FOXP1: variants seen among roughly 807,000 people sequenced by gnomAD.
FOXP1 encodes forkhead box protein P1.
In FOXP1, 15 loss-of-function variants were observed where a neutral mutation model predicts 98.2. The ratio of observed to expected loss-of-function variants is 0.15; its 90% CI spans 0.10 to 0.24. The LOEUF (loss-of-function observed/expected upper bound fraction) is 0.24. FOXP1 is among the 10% of genes least tolerant of loss of function. FOXP1 has a pLI of 1.00. For missense variants in FOXP1, 633 were observed against 848.5 expected, an observed-to-expected ratio of 0.75 and a Z score of 3.15; for synonymous variants, 371 against 314.5, an observed-to-expected ratio of 1.18 and a Z score of -1.90.
chr3:71,449,652 G>A (rs1454659668), intron 3 of FOXP1, among the ~76,000 whole-genome samples: 4 of 152,086 alleles, frequency 2.6e-5, no homozygotes, highest in African/African-American at 9.7e-5. Context: ...TCTACAAGCA[G>A]CAGAAAATCC....
intron 5 of FOXP1, among the ~76,000 whole-genome samples, chr3:71,251,374 G>T (rs1029332424): frequency 1.3e-5 from 2 of 152,194 alleles, no homozygotes; most frequent in African/African-American, 2.4e-5. Context: ...ACACAATTCA[G>T]GTGAAGCTTT....
intron 3 of FOXP1, among the ~76,000 whole-genome samples, chr3:71,446,877 T>C (rs2086496124): frequency 6.6e-6 from 1 of 152,250 alleles, no homozygotes; most frequent in Non-Finnish European, 1.5e-5. Context: ...TACCAGTACA[T>C]CTATTTCAGG....
At chr3:71,089,293 A>G (rs1379078666) in intron 7 of FOXP1, among the ~76,000 whole-genome samples, 1 of 152,184 alleles carries the variant, frequency 6.6e-6, no homozygotes, top group Non-Finnish European at 1.5e-5. Flanking sequence ...CACTGAAGTC[A>G]CACTATGGAG....
intron 10 of FOXP1, among the ~76,000 whole-genome samples, chr3:71,045,673 G>A (rs1326581385): frequency 6.6e-6 from 1 of 152,136 alleles, no homozygotes; most frequent in Non-Finnish European, 1.5e-5. Flanking sequence ...GGGCAAGAGA[G>A]AAGTTAAGAG....
chr3:70,963,832 C>T (rs572718567), intron 20 of FOXP1, among the ~76,000 whole-genome samples: 73 of 152,204 alleles, frequency 4.8e-4, no homozygotes, highest in Admixed American at 9.8e-4. Flanking sequence ...AAAGGACGAA[C>T]GAAACGTAGT....
chr3:71,262,374 C>T (rs2069245414), intron 5 of FOXP1, among the ~76,000 whole-genome samples: 1 of 149,654 alleles, frequency 6.7e-6, no homozygotes, highest in Non-Finnish European at 1.5e-5. Context: ...CAGCCTGCAC[C>T]ATGACTATCA....
intron 6 of FOXP1, among the ~76,000 whole-genome samples, chr3:71,163,312 T>G (rs2061235164): frequency 6.6e-6 from 1 of 152,242 alleles, no homozygotes; most frequent in African/African-American, 2.4e-5. Flanking sequence ...AAAAATTTTA[T>G]GAGTTCACTT....
At chr3:71,503,392 G>A (rs976797813) in intron 2 of FOXP1, among the ~76,000 whole-genome samples, 6 of 151,996 alleles carry the variant, frequency 3.9e-5, no homozygotes, top group African/African-American at 1.2e-4. Flanking sequence ...CTCAAGTTAA[G>A]TTAAAAAGCA....
At chr3:71,111,670 A>T (rs1045320353) in intron 7 of FOXP1, among the ~76,000 whole-genome samples, 1 of 152,168 alleles carries the variant, frequency 6.6e-6, no homozygotes, top group Non-Finnish European at 1.5e-5. Flanking sequence ...AAGTGCTGGG[A>T]TTACAGGCGT....
chr3:71,463,492 C>T (rs907373349), intron 3 of FOXP1, among the ~76,000 whole-genome samples: 8 of 152,058 alleles, frequency 5.3e-5, no homozygotes, highest in Non-Finnish European at 1.0e-4. Context: ...GGAAGACATC[C>T]CACACTAAGG....
intron 5 of FOXP1, among the ~76,000 whole-genome samples, 188 bp from the exon 6 acceptor site, chr3:71,198,580 A>T (rs1482403369): frequency 6.6e-6 from 1 of 152,248 alleles, no homozygotes; most frequent in Non-Finnish European, 1.5e-5. Flanking sequence ...TTCGGGTCTG[A>T]AACTGTCATT....
intron 3 of FOXP1, among the ~76,000 whole-genome samples, chr3:71,405,564 A>C (rs1205212536): frequency 6.6e-6 from 1 of 152,102 alleles, no homozygotes; most frequent in Non-Finnish European, 1.5e-5. Flanking sequence ...GAGGCCAGGT[A>C]GATCTGATTC....
chr3:71,013,359 G>A (rs1019799968), intron 12 of FOXP1, among the ~76,000 whole-genome samples: 1 of 152,148 alleles, frequency 6.6e-6, no homozygotes, highest in African/African-American at 2.4e-5. Flanking sequence ...CAATTGGCCA[G>A]TAATTGTCAC....
chr3:70,967,710 G>GTTTTTTTTTTTTT (rs756777959), intron 19 of FOXP1, among the ~76,000 whole-genome samples: 7 of 68,872 alleles, frequency 1.0e-4, no homozygotes, highest in Non-Finnish European at 1.3e-4. Flanking sequence ...GTTTTTTTTT[G>GTTTTTTTTTTTTT]TTTTTTTTTT....
chr3:71,201,153 A>G (rs918477494), intron 5 of FOXP1, among the ~76,000 whole-genome samples: 6 of 152,214 alleles, frequency 3.9e-5, no homozygotes, highest in African/African-American at 1.4e-4. Context: ...TTGCAGTTAT[A>G]TTCTTACTGT....
chr3:71,389,576 C>T (rs1373040490), intron 3 of FOXP1, among the ~76,000 whole-genome samples: 2 of 152,040 alleles, frequency 1.3e-5, no homozygotes, highest in Non-Finnish European at 2.9e-5. Context: ...AAAGAAAACA[C>T]GAAGAGCTTT....
intron 4 of FOXP1, among the ~76,000 whole-genome samples, chr3:71,341,024 G>C (rs1268538124): frequency 6.6e-6 from 1 of 152,130 alleles, no homozygotes; most frequent in Non-Finnish European, 1.5e-5. Flanking sequence ...AATAGCTGGA[G>C]ACTTCAATAC....
chr3:71,041,899 CAACT>C (rs2106880792), intron 10 of FOXP1, among the ~76,000 whole-genome samples: 1 of 152,220 alleles, frequency 6.6e-6, no homozygotes, highest in African/African-American at 2.4e-5. Flanking sequence ...TAAATTTGTT[CAACT>C]ATACTATTAT....
chr3:70,970,486 A>G (rs1339503486), intron 19 of FOXP1: 1 of 501,926 alleles, frequency 2.0e-6, no homozygotes, highest in Non-Finnish European at 3.6e-6. Context: ...GGAAATTATG[A>G]TACTGCTGAT....
Sources: allele counts gnomAD v4.1 joint callset (sites outside exome capture counted in the v4.1 genomes callset), GRCh38; gene constraint gnomAD v4.1.1; transcripts MANE v1.5; gene names NCBI Gene and HGNC (gene_info 2026-07-23, HGNC 2026-07-21).